The following EPHB6 variants were observed in gnomAD, a reference collection of about 807,000 sequenced individuals.
The protein encoded by EPHB6 is EPH receptor B6.
A neutral mutation model predicts 107.0 loss-of-function variants in EPHB6; 51 were observed. The ratio of observed to expected loss-of-function variants is 0.48; its 90% CI spans 0.38 to 0.60. EPHB6 has a LOEUF of 0.60. EPHB6 is among the 20% of genes least tolerant of loss of function. The probability of loss-of-function intolerance (pLI) is 0.00; values close to 1 mark genes in which losing one functional copy is unlikely to be tolerated. For missense variants in EPHB6, 1,141 were observed against 1,355.5 expected (o/e 0.84, Z 2.48); for synonymous variants, 553 against 549.0 (o/e 1.01, Z -0.10).
At position 142,869,641 on chromosome 7, in the gene EPHB6, C is replaced by T; in HGVS notation, c.2461-176C>T. 4 of 748,242 alleles carry T rather than the reference C, an allele frequency of 5.3e-6. No individual in the cohort carries two copies. The highest frequency in any genetic ancestry group is 3.3e-5 in the South Asian group (2 of 60,816). 46.4% of individuals were successfully genotyped at this position (748,242 alleles called of 1,614,324 possible). On this transcript the variant is annotated intron_variant, in intron 16 of 19. Transcript: ENST00000652003. This position sits in a 1 kb window ranked among gnomAD's most constrained non-coding sequence, Gnocchi z 4.5. ...CATAGTAGTTGCTCCATAAACGTGA[C>T]TATTGCTTCTGCTTCTGTGAAATGG...
chr7:142,863,393 G>A, intron 5 of EPHB6, 66 bp downstream of exon 5: 1 of 1,486,190 alleles, frequency 6.7e-7, no homozygotes, highest in Non-Finnish European at 9.4e-7. Flanking sequence ...GGGGAAGTGG[G>A]AAAGATTTAG....
rs1377838132 is a variant in EPHB6 at position 142,866,343 on chromosome 7, A to G, written c.1462+27A>G. Reference sequence around the variant, plus strand: ...TGAGCTCTTTTCCTTGGCCTTCAGGATCCCCTGCCTCCGCTCCTTTGAGCC... The same window carrying G: ...TGAGCTCTTTTCCTTGGCCTTCAGGGTCCCCTGCCTCCGCTCCTTTGAGCC... On this transcript the variant is annotated intron_variant, in intron 9 of 19. Transcript: ENST00000652003. This position sits in a 1 kb window ranked among gnomAD's most constrained non-coding sequence, Gnocchi z 5.2. 6.2e-7 allele frequency: 1 copy of G among 1,612,848 alleles called. No individual in the cohort carries two copies. The highest frequency in any genetic ancestry group is 1.3e-5 in the African/African-American group (1 of 74,820).
Position 142,866,548 on chromosome 7 carries a change from G to A in EPHB6, c.1530G>A (p.Pro510=), listed in dbSNP as rs111424188. 9.4e-5 allele frequency: 151 copies of A among 1,614,024 alleles called. No homozygotes were observed. Among genetic ancestry groups the A allele is most frequent in the Middle Eastern group, 1.6e-4 (1 of 6,084 alleles). ...CCAACAGCATCACGGTGTCCTGGCC[G>A]CAGCCCGACCAGACCAATGGGAACA... ...RASNSITVSW[P]QPDQTNGNIL... The change falls in exon 10 of 20, where the codon CCG becomes CCA. Residue 510 remains proline (P), a synonymous_variant. Transcript: ENST00000652003. The surrounding 1 kb of genome is among the most constrained non-coding windows in gnomAD (Gnocchi z 5.2).
intron 18 of EPHB6, 23 bp from the exon 19 acceptor site, chr7:142,870,507 C>T (rs376034256): frequency 7.2e-5 from 117 of 1,614,000 alleles, no homozygotes; most frequent in Non-Finnish European, 9.2e-5. Flanking sequence ...AGACCTTGAC[C>T]CTGCTTGCCC....
chr7:142,863,453 G>T (rs1164356343), intron 5 of EPHB6, 126 bp downstream of exon 5: 2 of 1,183,034 alleles, frequency 1.7e-6, no homozygotes, highest in East Asian at 2.4e-5. Context: ...GCATGGTGAG[G>T]ATAATGAAGA....
At chr7:142,865,397 C>A in intron 7 of EPHB6, 78 bp from the exon 8 acceptor site, 1 of 1,586,494 alleles carries the variant, frequency 6.3e-7, no homozygotes, top group Non-Finnish European at 8.6e-7. Context: ...TGCGAGGATA[C>A]CTGCCTGCTG....
chr7:142,860,703 G>A (rs545525010), intron 1 of EPHB6, among the ~76,000 whole-genome samples: 1 of 152,272 alleles, frequency 6.6e-6, no homozygotes, highest in African/African-American at 2.4e-5. Context: ...CACAAATAGG[G>A]TTAAAGATGT....
In EPHB6 at chr7:142,867,805, C is replaced by A; in HGVS notation, c.1865+83C>A. 1 of 1,451,380 alleles carries A rather than the reference C, an allele frequency of 6.9e-7. No individual in the cohort carries two copies. The highest frequency in any genetic ancestry group is 9.4e-7 in the Non-Finnish European group (1 of 1,059,868). 89.9% of individuals were successfully genotyped at this position (1,451,380 alleles called of 1,614,324 possible). A position where few individuals can be genotyped will look rare whatever the true frequency, so the allele number is the denominator to read the frequency against. On this transcript the variant is annotated intron_variant, in intron 12 of 19. Coordinates refer to ENST00000652003, the MANE Select transcript of EPHB6 (RefSeq NM_004445.6). The surrounding 1 kb of genome is among the most constrained non-coding windows in gnomAD (Gnocchi z 5.3). ...CAAGTCCTGCCAAGTCTGGAGCCCC[C>A]TGCAGAAACCTCACACTGGTGCTCC...
rs777875083 is a variant in EPHB6, at chr7:142,864,219, G to T, written c.419G>T (p.Ser140Ile). 2.5e-6 allele frequency: 4 copies of T among 1,613,894 alleles called. No homozygotes were observed. The highest frequency in any genetic ancestry group is 3.4e-6 in the Non-Finnish European group (4 of 1,180,038). ...LYYRQAEEPD[S>I]PDSVSSWHLK... is the part of the protein sequence containing the mutation. The stretch of plus-strand genomic sequence containing the variant: ...TACCGTCAGGCTGAGGAGCCCGACA[G>T]CCCTGACAGCGTTTCCTCCTGGCAC... Residue 140 changes from serine to isoleucine, a missense_variant, in exon 7 of 20, where the codon AGC becomes ATC. Physicochemically the swap from Ser to Ile is moderately radical, Grantham distance 142. Around this residue, in one of 3 missense-constraint regions of EPHB6, gnomAD observed 221 missense variants for 300.5 expected, o/e 0.74. Transcript: ENST00000652003.
Position 142,865,644 on chromosome 7 carries a change from C to G in EPHB6, c.1105+14C>G. On this transcript the variant is annotated intron_variant, in intron 8 of 19. Coordinates refer to ENST00000652003, the MANE Select transcript of EPHB6 (RefSeq NM_004445.6). ...CCCCCTGCACTGGTGAGTTCCTCAC[C>G]CAGCCCTGCAATGGGAAAGAGACTT... is the stretch of plus-strand genomic sequence containing the variant. The G allele has an allele frequency of 1.2e-6, 2 of 1,612,398 alleles. No homozygotes were observed. The highest frequency in any genetic ancestry group is 2.2e-5 in the South Asian group (2 of 90,914).
rs765246993 is a variant in EPHB6, at chr7:142,864,454, G to T, written c.654G>T (p.Gly218=). 2 of 1,612,860 alleles carry T rather than the reference G, an allele frequency of 1.2e-6. No individual in the cohort carries two copies. The highest frequency in any genetic ancestry group is 2.2e-5 in the South Asian group (2 of 91,062). Reference sequence around the variant, plus strand: ...TCTACGTGGCCTTCCAGGACACGGGGGCCTGCCTGGCCCTGGTCGCTGTCA... The same window carrying T: ...TCTACGTGGCCTTCCAGGACACGGGTGCCTGCCTGGCCCTGGTCGCTGTCA... ...RGFYVAFQDT[G]ACLALVAVRL... Residue 218 remains glycine, a synonymous_variant, in exon 7 of 20, where the codon GGG becomes GGT. Transcript: ENST00000652003.
Position 142,867,855 on chromosome 7 carries a change from G to C in EPHB6, c.1865+133G>C. The C allele has an allele frequency of 6.9e-7, 1 of 1,439,568 alleles. No individual in the cohort carries two copies. Among genetic ancestry groups the C allele is most frequent in the Non-Finnish European group, 9.5e-7 (1 of 1,048,132 alleles). The allele number at this position is 1,439,568 out of a possible 1,614,324, so 89.2% of individuals were successfully genotyped here. A position where few individuals can be genotyped will look rare whatever the true frequency, so the allele number is the denominator to read the frequency against. On this transcript the variant is annotated intron_variant, in intron 12 of 19. Coordinates refer to ENST00000652003, the MANE Select transcript of EPHB6 (RefSeq NM_004445.6). This position sits in a 1 kb window ranked among gnomAD's most constrained non-coding sequence, Gnocchi z 5.3. ...CTCCCGTCAGCCAGCCCCTGCCCTGGGCCCCACGTGGAGATGGGCAGGAGG... is the reference window on the plus strand; with the variant it reads ...CTCCCGTCAGCCAGCCCCTGCCCTGCGCCCCACGTGGAGATGGGCAGGAGG...
At position 142,869,933 on chromosome 7, in the gene EPHB6, A is replaced by G. The variant is rs1385828871; in HGVS notation, c.2577A>G (p.Gly859=). 3 of 1,614,062 alleles carry G rather than the reference A, an allele frequency of 1.9e-6. No individual in the cohort carries two copies. Among genetic ancestry groups the G allele is most frequent in the Non-Finnish European group, 2.5e-6 (3 of 1,180,048 alleles). ...TCATGTGGGAAGTGATGAGTTATGG[A>G]GAACGGCCTTACTGGGACATGAGTG... ...GILMWEVMSY[G]ERPYWDMSEQ... The change falls in exon 17 of 20, where the codon GGA becomes GGG. Residue 859 remains glycine, a synonymous_variant. Coordinates refer to ENST00000652003, the MANE Select transcript of EPHB6 (RefSeq NM_004445.6). The surrounding 1 kb of genome is among the most constrained non-coding windows in gnomAD (Gnocchi z 4.5).
rs146792694 is a variant in EPHB6, at chr7:142,867,172, A to G, written c.1750+104A>G. The G allele has an allele frequency of 1.8e-5, 25 of 1,420,458 alleles. No individual in the cohort carries two copies. Among genetic ancestry groups the G allele is most frequent in the Middle Eastern group, 2.4e-4 (1 of 4,106 alleles). The allele number at this position is 1,420,458 out of a possible 1,614,324, so 88.0% of individuals were successfully genotyped here. ...TTGAACCCTGGCCCCGTGCTTCCCAACCAGAAGTTCTGTGGGAAAGGAGAG... is the reference window on the plus strand; with the variant it reads ...TTGAACCCTGGCCCCGTGCTTCCCAGCCAGAAGTTCTGTGGGAAAGGAGAG... On this transcript the variant is annotated intron_variant, in intron 11 of 19. Transcript: ENST00000652003. This position sits in a 1 kb window ranked among gnomAD's most constrained non-coding sequence, Gnocchi z 5.3.
Position 142,867,596 on chromosome 7 carries a change from C to T in EPHB6, c.1751-12C>T, listed in dbSNP as rs1794672516. The T allele has an allele frequency of 1.2e-6, 2 of 1,606,170 alleles. No individual in the cohort carries two copies. Among genetic ancestry groups the T allele is most frequent in the South Asian group, 2.2e-5 (2 of 89,566 alleles). On this transcript the variant is annotated splice_polypyrimidine_tract_variant and intron_variant, in intron 11 of 19. Coordinates refer to ENST00000652003, the MANE Select transcript of EPHB6 (RefSeq NM_004445.6). This position sits in a 1 kb window ranked among gnomAD's most constrained non-coding sequence, Gnocchi z 5.3. Reference sequence around the variant, plus strand: ...CCTGGCCCACCTGTGACCCTGTCGGCTGGTCCCCCAGGGGAGCTGTCTTCC... The same window carrying T: ...CCTGGCCCACCTGTGACCCTGTCGGTTGGTCCCCCAGGGGAGCTGTCTTCC...
In EPHB6 at chr7:142,868,857, C is replaced by T; in HGVS notation, c.2287-117C>T. 2 of 1,596,672 alleles carry T rather than the reference C, an allele frequency of 1.3e-6. No homozygotes were observed. The highest frequency in any genetic ancestry group is 1.7e-6 in the Non-Finnish European group (2 of 1,172,892). ...CTTCCATGGTCTCCGTCCTTCCTTC[C>T]CAGCCATTTTCTGATTCGACACCCT... is the stretch of plus-strand genomic sequence containing the variant. On this transcript the variant is annotated intron_variant, in intron 15 of 19. Coordinates refer to ENST00000652003, the MANE Select transcript of EPHB6 (RefSeq NM_004445.6). The surrounding 1 kb of genome is among the most constrained non-coding windows in gnomAD (Gnocchi z 4.2).
At chr7:142,870,736 G>A in intron 19 of EPHB6, 51 bp downstream of exon 19, 1 of 1,614,128 alleles carries the variant, frequency 6.2e-7, no homozygotes, top group Non-Finnish European at 8.5e-7. Context: ...CCCTGGCTGG[G>A]GGTCGTATTG....
rs577988798 is a variant in EPHB6, at chr7:142,863,290, G to T, written c.63G>T (p.Trp21Cys). ...TGGCGGGCATGGTGTGTAGCCTATG[G>T]GTGCTGCTCCTGGTGTCTTCAGTTC... The part of the protein sequence containing the change: ...NRVAGMVCSL[W>C]VLLLVSSVLA... The change falls in exon 5 of 20, where the codon TGG becomes TGT. Residue 21 changes from tryptophan (W) to cysteine (C), a missense_variant. Trp to Cys is a radical substitution (Grantham distance 215). Transcript: ENST00000652003. 14 of 1,614,014 alleles carry T rather than the reference G, an allele frequency of 8.7e-6. No homozygotes were observed. In the South Asian group the frequency reaches 1.5e-4, roughly 18 times the overall value.
intron 7 of EPHB6, 29 bp downstream of exon 7, chr7:142,864,778 C>T (rs112365755): frequency 1.6e-5 from 26 of 1,612,240 alleles, no homozygotes; most frequent in Middle Eastern, 1.7e-4. Flanking sequence ...TGCACTTGCC[C>T]GACACCTCCC....
Sources: allele counts gnomAD v4.1 joint callset (sites outside exome capture counted in the v4.1 genomes callset), GRCh38; gene constraint gnomAD v4.1.1; regional missense constraint gnomAD v4.1.1; non-coding constraint Gnocchi (gnomAD v3.1); transcripts MANE v1.5; gene names NCBI Gene and HGNC (gene_info 2026-07-23, HGNC 2026-07-21).